The following ZFYVE16 variants were observed in gnomAD, a reference collection of about 807,000 sequenced individuals.
ZFYVE16 encodes zinc finger FYVE domain-containing protein 16.
Under a neutral mutation model 138.1 loss-of-function variants are expected in ZFYVE16, and 89 were observed. That is an observed-to-expected ratio of 0.64 (90% CI 0.54 to 0.77). The LOEUF (loss-of-function observed/expected upper bound fraction) is 0.77, where lower values mean the gene tolerates loss of function less well. ZFYVE16 is among the 30% of genes least tolerant of loss of function. ZFYVE16 has a pLI of 0.00. For synonymous variants in ZFYVE16, 596 were observed against 618.3 expected (o/e 0.96, Z 0.53); for missense variants, 1,793 against 1,786.7 (o/e 1.00, Z -0.06).
chr5:80,446,712 A>G (rs1179097657), intron 7 of ZFYVE16, among the ~76,000 whole-genome samples: 3 of 152,146 alleles, frequency 2.0e-5, no homozygotes, highest in African/African-American at 7.2e-5. Flanking sequence ...ACTAATATCT[A>G]TTTAGTTATT....
chr5:80,419,741 G>A (rs1217319159), intron 1 of ZFYVE16, among the ~76,000 whole-genome samples: 1 of 152,022 alleles, frequency 6.6e-6, no homozygotes, highest in Non-Finnish European at 1.5e-5. Flanking sequence ...TAGCTTGCTA[G>A]GATTTTAGTT....
At chr5:80,429,059 C>T (rs970922611) in intron 2 of ZFYVE16, among the ~76,000 whole-genome samples, 13 of 152,176 alleles carry the variant, frequency 8.5e-5, no homozygotes, top group Non-Finnish European at 8.8e-5. Flanking sequence ...AGAACTTCCT[C>T]AACCTAGCAA....
Position 80,477,452 on chromosome 5 carries a change from C to A in ZFYVE16, c.*75C>A. The A allele has an allele frequency of 7.2e-7, 1 of 1,384,892 alleles. No homozygotes were observed. Among genetic ancestry groups the A allele is most frequent in the South Asian group, 1.4e-5 (1 of 71,628 alleles). 85.8% of individuals were successfully genotyped at this position (1,384,892 alleles called of 1,614,324 possible). A position where few individuals can be genotyped will look rare whatever the true frequency, so the allele number is the denominator to read the frequency against. ...CTCCAGCACTAAAGCTGAAATGCCA[C>A]AAACACTAAAAGTATAAATATGTCT... On this transcript the variant is annotated 3_prime_UTR_variant, in exon 19 of 19. Transcript: ENST00000505560.
At chr5:80,419,550 T>C (rs760197601) in intron 1 of ZFYVE16, among the ~76,000 whole-genome samples, 2 of 152,164 alleles carry the variant, frequency 1.3e-5, no homozygotes, top group Non-Finnish European at 2.9e-5. Context: ...TTTTCTTATT[T>C]TTATTTTTAG....
Position 80,437,789 on chromosome 5 carries a change from T to G in ZFYVE16, c.1104T>G (p.Ser368Arg). ...QDSSSALHVSSKDVPSSLSCL... is the reference protein window; with the variant it reads ...QDSSSALHVSRKDVPSSLSCL... ...CCTCTTCAGCTTTACATGTTTCCAG[T>G]AAAGATGTGCCGTCCTCATTGTCCT... Residue 368 changes from serine to arginine, a missense_variant, in exon 4 of 19, where the codon AGT (serine) becomes AGG (arginine). By Grantham distance (110) the Ser-to-Arg change is moderately radical. Coordinates refer to ENST00000505560, the MANE Select transcript of ZFYVE16 (RefSeq NM_001284236.3). The G allele has an allele frequency of 6.2e-7, 1 of 1,614,082 alleles. No homozygotes were observed. The highest frequency in any genetic ancestry group is 8.5e-7 in the Non-Finnish European group (1 of 1,179,978).
rs1222186439 is a variant in ZFYVE16 at position 80,482,281 on chromosome 5, A to G, written c.*4904A>G. ...TTGTAGAACTGAAAATACAATAACAAAATTTACTGGAAGGTCTCAACACAA... is the reference window on the plus strand; with the variant it reads ...TTGTAGAACTGAAAATACAATAACAGAATTTACTGGAAGGTCTCAACACAA... On this transcript the variant is annotated 3_prime_UTR_variant, in exon 19 of 19. Coordinates refer to ENST00000505560, the MANE Select transcript of ZFYVE16 (RefSeq NM_001284236.3). 1 of 152,256 alleles carries G rather than the reference A, an allele frequency of 6.6e-6. No homozygotes were observed. The highest frequency in any genetic ancestry group is 2.1e-4 in the South Asian group (1 of 4,834). The allele number at this position is 152,256 out of a possible 1,614,324, so 9.4% of individuals were successfully genotyped here.
At chr5:80,426,189 ATGTGTGTGTGTGGTG>A (rs1747961677) in intron 1 of ZFYVE16, among the ~76,000 whole-genome samples, 1 of 145,246 alleles carries the variant, frequency 6.9e-6, no homozygotes, top group South Asian at 2.2e-4. Flanking sequence ...ATATATATAT[ATGTGTGTGTGTGGTG>A]TGTGTGTGTG....
At position 80,481,379 on chromosome 5, in the gene ZFYVE16, A is replaced by T. The variant is rs1260840077; in HGVS notation, c.*4002A>T. Among the ~76,000 whole-genome samples, 1 of 152,208 alleles carries T rather than the reference A, an allele frequency of 6.6e-6. No homozygotes were observed. Among genetic ancestry groups the T allele is most frequent in the African/African-American group, 2.4e-5 (1 of 41,454 alleles). On this transcript the variant is annotated 3_prime_UTR_variant, in exon 19 of 19. Transcript: ENST00000505560. ...AATCTGTCAATAAAATCCTGGGATCATCTCACAAGCTGTGTATGTGTGAAA... is the reference window on the plus strand; with the variant it reads ...AATCTGTCAATAAAATCCTGGGATCTTCTCACAAGCTGTGTATGTGTGAAA...
At position 80,427,949 on chromosome 5, in the gene ZFYVE16, G is replaced by A. The variant is rs182189882; in HGVS notation, c.-40+404G>A. 3.4e-3 allele frequency among the ~76,000 whole-genome samples: 379 copies of A among 112,666 alleles called. 2 individuals are homozygous for A. Among genetic ancestry groups the A allele is most frequent in the African/African-American group, 0.011 (362 of 31,608 alleles). The allele number at this position is 112,666 out of a possible 152,430, so 73.9% of individuals were successfully genotyped here. On this transcript the variant is annotated intron_variant, in intron 2 of 18. Coordinates refer to ENST00000505560, the MANE Select transcript of ZFYVE16 (RefSeq NM_001284236.3). The stretch of plus-strand genomic sequence containing the variant: ...ACAGCATCACTGCACTCTAGCATGC[G>A]TGACAGAGCGAGACTCCATCTCAAA...
At chr5:80,429,397 T>C (rs1748638161) in intron 2 of ZFYVE16, among the ~76,000 whole-genome samples, 1 of 152,182 alleles carries the variant, frequency 6.6e-6, no homozygotes, top group African/African-American at 2.4e-5. Context: ...GACAAGCAAA[T>C]GCTGAGAGAT....
intron 10 of ZFYVE16, among the ~76,000 whole-genome samples, chr5:80,451,012 A>G (rs1001834540): frequency 6.6e-6 from 1 of 152,060 alleles, no homozygotes; most frequent in African/African-American, 2.4e-5. Flanking sequence ...AGGTTTCACC[A>G]TGCTGGCCAG....
At chr5:80,415,533 A>G (rs1746077565) in intron 1 of ZFYVE16, among the ~76,000 whole-genome samples, 1 of 152,156 alleles carries the variant, frequency 6.6e-6, no homozygotes, top group Admixed American at 6.5e-5. Context: ...GTTACTGCTC[A>G]GGTGTTTTGT....
intron 14 of ZFYVE16, among the ~76,000 whole-genome samples, chr5:80,457,770 G>A (rs1323449055): frequency 2.0e-5 from 3 of 152,088 alleles, no homozygotes; most frequent in Non-Finnish European, 4.4e-5. Context: ...GCTCACGCCT[G>A]TAATCCCAGA....
intron 1 of ZFYVE16, among the ~76,000 whole-genome samples, chr5:80,411,474 A>G (rs894764248): frequency 6.6e-6 from 1 of 152,018 alleles, no homozygotes; most frequent in Non-Finnish European, 1.5e-5. Flanking sequence ...ACTATGCATA[A>G]AGTTTTGTGA....
intron 1 of ZFYVE16, among the ~76,000 whole-genome samples, chr5:80,421,957 C>T (rs1268959596): frequency 6.6e-6 from 1 of 152,076 alleles, no homozygotes; most frequent in East Asian, 1.9e-4. Flanking sequence ...TTGTTTGTGT[C>T]CTCTTTTATT....
intron 2 of ZFYVE16, among the ~76,000 whole-genome samples, chr5:80,432,461 T>TA (rs1315891660): frequency 6.6e-6 from 1 of 152,156 alleles, no homozygotes. Flanking sequence ...ACTTAAATGT[T>TA]AGACCTAAAA....
At chr5:80,420,694 AT>A (rs1160906490) in intron 1 of ZFYVE16, among the ~76,000 whole-genome samples, 3 of 152,166 alleles carry the variant, frequency 2.0e-5, no homozygotes, top group African/African-American at 7.2e-5. Context: ...CCAGTCTATC[AT>A]TGATGGACAT....
At chr5:80,420,783 T>C (rs2112214222) in intron 1 of ZFYVE16, among the ~76,000 whole-genome samples, 1 of 152,378 alleles carries the variant, frequency 6.6e-6, no homozygotes, top group South Asian at 2.1e-4. Flanking sequence ...TATAGCAGCA[T>C]GATTTATAAT....
At chr5:80,451,426 TTTC>T in intron 10 of ZFYVE16, 56 bp from the exon 11 acceptor site, 1 of 1,398,884 alleles carries the variant, frequency 7.1e-7, no homozygotes. Context: ...ACTAAGAACA[TTTC>T]TTCAAAACAA....
Sources: gnomAD v4.1 joint callset for allele counts (sites outside exome capture counted in the v4.1 genomes callset) on GRCh38, gnomAD v4.1.1 for gene constraint, MANE v1.5 for transcripts, NCBI Gene and HGNC (gene_info 2026-07-23, HGNC 2026-07-21) for gene names.